Variants in PDE4D observed in about 807,000 individuals in gnomAD.
PDE4D encodes the protein phosphodiesterase 4D.
Under a neutral mutation model 87.4 loss-of-function variants are expected in PDE4D, and 24 were observed. The observed-to-expected ratio is 0.27, with a 90% CI of 0.20 to 0.39. The LOEUF (loss-of-function observed/expected upper bound fraction) is 0.39. PDE4D is among the 10% of genes least tolerant of loss of function. PDE4D has a pLI of 1.00. For synonymous variants in PDE4D, 384 were observed against 383.2 expected (o/e 1.00, Z -0.02); for missense variants, 714 against 1,041.0 (o/e 0.69, Z 4.32).
chr5:60,191,781 G>C (rs1785219374), intron 1 of PDE4D, among the ~76,000 whole-genome samples: 3 of 152,228 alleles, frequency 2.0e-5, no homozygotes, highest in African/African-American at 7.2e-5. Context: ...TGGATCACCT[G>C]AGGTCAGGAG....
At chr5:59,464,266 A>G (rs1366162359) in intron 1 of PDE4D, among the ~76,000 whole-genome samples, 1 of 152,212 alleles carries the variant, frequency 6.6e-6, no homozygotes, top group Non-Finnish European at 1.5e-5. Context: ...CAGTTGAGAC[A>G]AGAGGAAGGC....
At chr5:59,640,570 CA>C (rs1375613047) in intron 1 of PDE4D, among the ~76,000 whole-genome samples, 2 of 152,202 alleles carry the variant, frequency 1.3e-5, no homozygotes, top group Non-Finnish European at 2.9e-5. Flanking sequence ...AGGCAGTCCC[CA>C]CTGTGGAGAC....
rs1181013786 is a variant in PDE4D at position 60,442,355 on chromosome 5, C to T, written c.-90+45587G>A. 4.6e-5 allele frequency among the ~76,000 whole-genome samples: 7 copies of T among 152,194 alleles called. No homozygotes were observed. The South Asian group carries it at 8.3e-4, about 18-fold the overall frequency. On this transcript the variant is annotated intron_variant, in intron 1 of 16. Transcript: ENST00000502484. Reference sequence around the variant, plus strand: ...TAACATAAGAACAGAAAACCAAACACCACGTGTTTTCACTCATAAGTGGGA... The same window carrying T: ...TAACATAAGAACAGAAAACCAAACATCACGTGTTTTCACTCATAAGTGGGA...
At chr5:59,235,368 A>C (rs926209507) in intron 1 of PDE4D, among the ~76,000 whole-genome samples, 1 of 152,130 alleles carries the variant, frequency 6.6e-6, no homozygotes, top group Non-Finnish European at 1.5e-5. Context: ...GAGCACCTTC[A>C]CAGGCATTGT....
At chr5:59,676,191 T>C (rs1435693802) in intron 1 of PDE4D, among the ~76,000 whole-genome samples, 2 of 152,200 alleles carry the variant, frequency 1.3e-5, no homozygotes, top group African/African-American at 4.8e-5. Flanking sequence ...GCAAACTGCA[T>C]TTATTTTTCA....
intron 1 of PDE4D, among the ~76,000 whole-genome samples, chr5:60,494,833 G>A (rs775190865): frequency 6.6e-6 from 1 of 152,198 alleles, no homozygotes; most frequent in Non-Finnish European, 1.5e-5. Flanking sequence ...AACAAAGGCA[G>A]AAGGCAGGCA....
intron 1 of PDE4D, among the ~76,000 whole-genome samples, chr5:59,623,452 G>A (rs562057759): frequency 3.0e-4 from 45 of 152,262 alleles, no homozygotes; most frequent in African/African-American, 9.4e-4. Context: ...AGACAAAGTC[G>A]TGGACTTGGT....
chr5:59,139,649 T>A (rs1488159140), intron 5 of PDE4D, among the ~76,000 whole-genome samples: 1 of 151,926 alleles, frequency 6.6e-6, no homozygotes, highest in Non-Finnish European at 1.5e-5. Flanking sequence ...ATTTTTTTTA[T>A]TTTTATTTTT....
chr5:60,172,118 T>TGA (rs1783501974), intron 2 of PDE4D, among the ~76,000 whole-genome samples: 6 of 147,082 alleles, frequency 4.1e-5, no homozygotes, highest in African/African-American at 1.5e-4. Flanking sequence ...ATATATTATA[T>TGA]TATATATATA....
chr5:59,586,207 A>G (rs1825092743), intron 1 of PDE4D: 9 of 717,544 alleles, frequency 1.3e-5, no homozygotes, highest in Middle Eastern at 2.9e-4. Context: ...GGTTTTGCAC[A>G]GTTTACTTTT....
chr5:59,409,456 G>A (rs1055164641), intron 1 of PDE4D, among the ~76,000 whole-genome samples: 2 of 152,172 alleles, frequency 1.3e-5, no homozygotes, highest in African/African-American at 4.8e-5. Flanking sequence ...GTAATCCCCA[G>A]TGTTGGAGAT....
At chr5:60,373,622 T>C (rs1411827977) in intron 1 of PDE4D, among the ~76,000 whole-genome samples, 3 of 152,208 alleles carry the variant, frequency 2.0e-5, no homozygotes, top group African/African-American at 7.2e-5. Flanking sequence ...CCTGTTGCTA[T>C]TGTAACTACC....
chr5:59,998,198 A>G lies in PDE4D; in HGVS notation c.43-9481T>C, dbSNP rs141785954. 5.4e-3 allele frequency among the ~76,000 whole-genome samples: 825 copies of G among 152,310 alleles called. 6 individuals are homozygous for G. Among genetic ancestry groups the G allele is most frequent in the African/African-American group, 0.019 (799 of 41,564 alleles). ...TTCATAGTTTTAGCCCAAATGTAAC[A>G]TTGCCCCCATTTTTCAAAAACCTCT... On this transcript the variant is annotated intron_variant, in intron 2 of 16. Transcript: ENST00000502484.
At chr5:58,976,075 G>A (rs1459392994) in intron 13 of PDE4D, among the ~76,000 whole-genome samples, 3 of 152,084 alleles carry the variant, frequency 2.0e-5, no homozygotes, top group Non-Finnish European at 2.9e-5. Flanking sequence ...CTGTTTATGT[G>A]CATGGCTGAC....
intron 5 of PDE4D, among the ~76,000 whole-genome samples, chr5:59,081,519 A>T (rs199621038): frequency 7.3e-3 from 154 of 21,204 alleles, no homozygotes; most frequent in East Asian, 9.3e-3. Context: ...GTAATCAGGT[A>T]AAAAAAAAAA....
At chr5:60,401,301 G>A (rs920101695) in intron 1 of PDE4D, among the ~76,000 whole-genome samples, 3 of 152,156 alleles carry the variant, frequency 2.0e-5, no homozygotes, top group East Asian at 1.9e-4. Flanking sequence ...TTATGGTTAG[G>A]CTTTTGATGA....
intron 1 of PDE4D, among the ~76,000 whole-genome samples, chr5:59,659,616 ACT>A (rs1744913804): frequency 6.6e-6 from 1 of 152,210 alleles, no homozygotes; most frequent in South Asian, 2.1e-4. Context: ...TTCATTTGGT[ACT>A]CTGTTACAGC....
In PDE4D at chr5:59,962,332, A is replaced by G. The variant is rs143490589; in HGVS notation, c.272+26156T>C. Among the ~76,000 whole-genome samples, 47 of 152,232 alleles carry G rather than the reference A, an allele frequency of 3.1e-4. 1 individual carries two copies. In the East Asian group the frequency reaches 9.1e-3, roughly 29 times the overall value. On this transcript the variant is annotated intron_variant, in intron 3 of 16. Coordinates refer to the PDE4D transcript ENST00000502484. ...AATCAAACTAACACACATTGAAACA[A>G]TTTTTAATTTTTTTCTGATTTGATA...
At chr5:59,039,611 C>G (rs1348234583) in intron 5 of PDE4D, 7 of 692,266 alleles carry the variant, frequency 1.0e-5, no homozygotes, top group Admixed American at 1.3e-4. Context: ...CCTCTCGGCC[C>G]TCGGCGCTGC....
Sources: gnomAD v4.1 joint callset for allele counts (sites outside exome capture counted in the v4.1 genomes callset) on GRCh38, gnomAD v4.1.1 for gene constraint, MANE v1.5 for transcripts, NCBI Gene and HGNC (gene_info 2026-07-23, HGNC 2026-07-21) for gene names.